TMEM176B: variants seen among roughly 807,000 people sequenced by gnomAD.
The protein encoded by TMEM176B is transmembrane protein 176B, also known as LR8-like protein.
A neutral mutation model predicts 30.3 loss-of-function variants in TMEM176B; 28 were observed. That is an observed-to-expected ratio of 0.92 (90% CI 0.68 to 1.27). The LOEUF (loss-of-function observed/expected upper bound fraction) is 1.27. TMEM176B is among the 50% of genes most tolerant of loss of function. The pLI, the probability that TMEM176B is intolerant of heterozygous loss-of-function variation, is 0.00. For synonymous variants in TMEM176B, 123 were observed against 130.3 expected, an observed-to-expected ratio of 0.94 and a Z score of 0.38; for missense variants, 349 against 327.4, an observed-to-expected ratio of 1.07 and a Z score of -0.51.
At chr7:150,793,751 A>C (rs1798411454) in intron 3 of TMEM176B, 151 bp from the exon 4 acceptor site, 2 of 924,836 alleles carry the variant, frequency 2.2e-6, no homozygotes, top group Middle Eastern at 2.9e-4. Flanking sequence ...GATTCCACCT[A>C]TACCTGCCCC....
intron 1 of TMEM176B, among the ~76,000 whole-genome samples, chr7:150,798,030 A>C (rs963120009): frequency 8.5e-5 from 13 of 152,334 alleles, no homozygotes; most frequent in African/African-American, 3.1e-4. Flanking sequence ...CATTGATTTT[A>C]ATCAATTTTA....
In TMEM176B at chr7:150,791,461, G is replaced by T. The variant is rs906900383; in HGVS notation, c.*70C>A. On this transcript the variant is annotated 3_prime_UTR_variant, in exon 7 of 7. Transcript: ENST00000326442. The stretch of plus-strand genomic sequence containing the variant: ...CGGCCATAGGGGAGGCAAGTGTGAG[G>T]AGCCAGGAGTGGGGGCCCTGGGCTG... 4 of 1,327,828 alleles carry T rather than the reference G, an allele frequency of 3.0e-6. No homozygotes were observed. The African/African-American group carries it at 5.9e-5, about 20-fold the overall frequency. 82.3% of individuals were successfully genotyped at this position (1,327,828 alleles called of 1,614,324 possible).
At chr7:150,796,809 A>G (rs1175589374) in intron 1 of TMEM176B, 1 of 477,810 alleles carries the variant, frequency 2.1e-6, no homozygotes, top group Non-Finnish European at 3.8e-6. Flanking sequence ...AAATACAAAA[A>G]TCCGCACGGT....
intron 6 of TMEM176B, 84 bp downstream of exon 6, chr7:150,791,972 T>C: frequency 1.3e-6 from 2 of 1,581,794 alleles, no homozygotes; most frequent in Non-Finnish European, 1.7e-6. Flanking sequence ...CAGGTTCGGG[T>C]GCCCCTGGCC....
chr7:150,798,013 A>G (rs983099960), intron 1 of TMEM176B, among the ~76,000 whole-genome samples: 1 of 152,216 alleles, frequency 6.6e-6, no homozygotes, highest in African/African-American at 2.4e-5. Context: ...TTATATGGGG[A>G]AAAATGCATT....
intron 2 of TMEM176B, among the ~76,000 whole-genome samples, chr7:150,795,445 G>C (rs951817043): frequency 6.6e-6 from 1 of 152,030 alleles, no homozygotes; most frequent in Non-Finnish European, 1.5e-5. Flanking sequence ...CTCCATTCAG[G>C]GTTCTCCTGC....
At chr7:150,791,660 A>G (rs765300482) in intron 6 of TMEM176B, 37 bp from the exon 7 acceptor site, 3 of 1,568,106 alleles carry the variant, frequency 1.9e-6, no homozygotes, top group African/African-American at 2.7e-5. Context: ...TTAGGGGAAA[A>G]GGATGCAGGC....
In TMEM176B at chr7:150,796,518, A is replaced by T. The variant is rs115265961; in HGVS notation, c.52T>A (p.Ser18Thr). 2.1e-3 allele frequency: 3,458 copies of T among 1,614,194 alleles called. 60 individuals carry two copies. The African/African-American group carries it at 0.037, about 17-fold the overall frequency. ...VNGVAMASRPSQPTHVNVHIH... is the reference protein window; with the variant it reads ...VNGVAMASRPTQPTHVNVHIH... ...TGGACGTTGACGTGGGTGGGCTGGG[A>T]TGGCCTAGAGGCCATAGCAACTCCA... The change falls in exon 2 of 7, where the codon TCC becomes ACC. Residue 18 changes from serine to threonine, a missense_variant. Coordinates refer to ENST00000326442, the MANE Select transcript of TMEM176B (RefSeq NM_001101312.2).
chr7:150,799,832 G>A (rs1352145546), intron 1 of TMEM176B, among the ~76,000 whole-genome samples: 2 of 152,186 alleles, frequency 1.3e-5, no homozygotes, highest in Non-Finnish European at 2.9e-5. Context: ...GCCCCCGCCT[G>A]AAGAGTCGGA....
chr7:150,793,710 G>T, intron 3 of TMEM176B, 110 bp from the exon 4 acceptor site: 1 of 431,300 alleles, frequency 2.3e-6, no homozygotes, highest in Non-Finnish European at 3.3e-6. Flanking sequence ...GGATCCCAGG[G>T]ACAGACAAAG....
rs1453633249 is a variant in TMEM176B at position 150,793,577 on chromosome 7, G to A, written c.339C>T (p.Ala113=). 6.2e-7 allele frequency: 1 copy of A among 1,613,552 alleles called. No homozygotes were observed. Among genetic ancestry groups the A allele is most frequent in the African/African-American group, 1.3e-5 (1 of 74,910 alleles). ...GSVVIAAGAG[A]IVHEKHPGKL... is the part of the protein sequence containing the mutation. ...TGCCCGGGTGCTTCTCATGGACAAT[G>A]GCCCCAGCTCCTGCTGCGATCACCT... The change falls in exon 4 of 7, where the codon GCC becomes GCT. Residue 113 remains alanine, a synonymous_variant. Coordinates refer to ENST00000326442, the MANE Select transcript of TMEM176B (RefSeq NM_001101312.2).
At chr7:150,796,225 A>C (rs1304947686) in intron 2 of TMEM176B, 141 bp downstream of exon 2, 1 of 706,500 alleles carries the variant, frequency 1.4e-6, no homozygotes, top group East Asian at 2.7e-5. Flanking sequence ...ACTGGAGACC[A>C]CCTGGTCTGT....
Position 150,791,344 on chromosome 7 carries a change from A to T in TMEM176B, c.*187T>A. 2 of 531,000 alleles carry T rather than the reference A, an allele frequency of 3.8e-6. No homozygotes were observed. Among genetic ancestry groups the T allele is most frequent in the Non-Finnish European group, 6.7e-6 (2 of 298,448 alleles). The allele number at this position is 531,000 out of a possible 1,614,324, so 32.9% of individuals were successfully genotyped here. ...ATTATGTTTAATCAGCATTGTGGAA[A>T]ATGCAACAATATCTGTTCATGGACT... On this transcript the variant is annotated 3_prime_UTR_variant, in exon 7 of 7. Coordinates refer to ENST00000326442, the MANE Select transcript of TMEM176B (RefSeq NM_001101312.2).
intron 2 of TMEM176B, among the ~76,000 whole-genome samples, chr7:150,795,899 C>T (rs1445243870): frequency 4.6e-5 from 7 of 152,182 alleles, no homozygotes; most frequent in Non-Finnish European, 1.0e-4. Context: ...GCTGAGCCTA[C>T]AAATGGGGTC....
intron 5 of TMEM176B, among the ~76,000 whole-genome samples, chr7:150,792,465 G>A (rs758985454): frequency 6.6e-6 from 1 of 152,208 alleles, no homozygotes; most frequent in Non-Finnish European, 1.5e-5. Context: ...GAAGCCCTTA[G>A]CTGGTCTGGC....
intron 6 of TMEM176B, among the ~76,000 whole-genome samples, 191 bp from the exon 7 acceptor site, chr7:150,791,814 G>A (rs551851634): frequency 3.4e-4 from 51 of 152,028 alleles, no homozygotes; most frequent in African/African-American, 1.2e-3. Flanking sequence ...AGGGCAGAGG[G>A]GAGAGTGGGG....
chr7:150,796,964 A>AAAAC lies in TMEM176B; in HGVS notation c.-5-394_-5-391dup, dbSNP rs540276440. The stretch of plus-strand genomic sequence containing the variant: ...GTGAGACTCCATCTCAAAAAAAACA[A>AAAAC]AAACAAACAAACAAACAAACAAAAA... On this transcript the variant is annotated intron_variant, in intron 1 of 6. Coordinates refer to ENST00000326442, the MANE Select transcript of TMEM176B (RefSeq NM_001101312.2). Among the ~76,000 whole-genome samples, 11 of 152,266 alleles carry AAAAC rather than the reference A, an allele frequency of 7.2e-5. No individual in the cohort carries two copies. The East Asian group carries it at 1.2e-3, about 16-fold the overall frequency.
intron 2 of TMEM176B, 48 bp downstream of exon 2, chr7:150,796,318 C>A (rs372540689): frequency 5.1e-6 from 8 of 1,556,966 alleles, no homozygotes; most frequent in Non-Finnish European, 7.1e-6. Context: ...TAATTGACCT[C>A]ATCACCTCGT....
intron 5 of TMEM176B, 116 bp from the exon 6 acceptor site, chr7:150,792,291 C>G: frequency 7.4e-7 from 1 of 1,358,776 alleles, no homozygotes; most frequent in Non-Finnish European, 1.0e-6. Flanking sequence ...GCTCCCACCA[C>G]AGCTGACTGT....
Sources: allele counts gnomAD v4.1 joint callset (sites outside exome capture counted in the v4.1 genomes callset), GRCh38; gene constraint gnomAD v4.1.1; transcripts MANE v1.5; gene names NCBI Gene and HGNC (gene_info 2026-07-23, HGNC 2026-07-21).